PDZK1: variants seen among roughly 807,000 people sequenced by gnomAD.
The protein encoded by PDZK1 is Na(+)/H(+) exchange regulatory cofactor NHE-RF3.
A neutral mutation model predicts 38.1 loss-of-function variants in PDZK1; 23 were observed. The ratio of observed to expected loss-of-function variants is 0.60; its 90% CI spans 0.43 to 0.85. The LOEUF (loss-of-function observed/expected upper bound fraction) is 0.85. Among genes scored for constraint, PDZK1 ranks in the 40% least tolerant of loss-of-function variants. The probability of loss-of-function intolerance (pLI) is 0.00; values close to 1 mark genes in which losing one functional copy is unlikely to be tolerated. For synonymous variants in PDZK1, 98 were observed against 186.2 expected, an observed-to-expected ratio of 0.53 and a Z score of 3.86; for missense variants, 297 against 504.3, an observed-to-expected ratio of 0.59 and a Z score of 3.94.
chr1:145,675,908 C>T (rs587701269), intron 6 of PDZK1, among the ~76,000 whole-genome samples: 3 of 152,132 alleles, frequency 2.0e-5, no homozygotes, highest in Admixed American at 2.0e-4. Context: ...GTCCCAGCTA[C>T]TTGAGAGACT....
chr1:145,703,210 A>G (rs1426416658), intron 1 of PDZK1, among the ~76,000 whole-genome samples: 3 of 152,148 alleles, frequency 2.0e-5, no homozygotes, highest in African/African-American at 7.2e-5. Context: ...TCATGTACTT[A>G]ACAAGTTCTA....
intron 1 of PDZK1, among the ~76,000 whole-genome samples, chr1:145,693,217 CAGA>C (rs1436416006): frequency 1.3e-5 from 2 of 152,114 alleles, no homozygotes; most frequent in African/African-American, 4.8e-5. Flanking sequence ...TCTGAGTGAG[CAGA>C]AGAATTTAGT....
rs587767291 is a variant in PDZK1 at position 145,696,172 on chromosome 1, G to A, written c.-2-8149C>T. The stretch of plus-strand genomic sequence containing the variant: ...CACAGCTCAATTCGAACACAACTGT[G>A]CTTTGGGCTCCTCTTAGTCCAGGGG... On this transcript the variant is annotated intron_variant, in intron 1 of 8. Coordinates refer to ENST00000417171, the MANE Select transcript of PDZK1 (RefSeq NM_001201325.2). Among the ~76,000 whole-genome samples the A allele has an allele frequency of 1.1e-4, 16 of 152,340 alleles. No homozygotes were observed. The South Asian group carries it at 3.3e-3, about 32-fold the overall frequency.
At chr1:145,679,403 G>A (rs781097602) in intron 5 of PDZK1, among the ~76,000 whole-genome samples, 2 of 152,036 alleles carry the variant, frequency 1.3e-5, no homozygotes, top group African/African-American at 2.4e-5. Context: ...ATATCTAGAC[G>A]ATTGCTAAGT....
chr1:145,676,977 C>T (rs1437064715), intron 6 of PDZK1, among the ~76,000 whole-genome samples: 1 of 152,124 alleles, frequency 6.6e-6, no homozygotes, highest in Non-Finnish European at 1.5e-5. Flanking sequence ...CAATTCAACC[C>T]TCATAGCCAC....
intron 2 of PDZK1, among the ~76,000 whole-genome samples, chr1:145,687,602 G>A (rs1284300): frequency 0.083 from 12,460 of 150,848 alleles, 686 homozygotes; most frequent in South Asian, 0.22. Flanking sequence ...TAGACCTAAC[G>A]CTATTCAAAT....
chr1:145,677,961 G>A (rs1653875762), intron 6 of PDZK1, among the ~76,000 whole-genome samples: 1 of 138,342 alleles, frequency 7.2e-6, no homozygotes, highest in South Asian at 2.4e-4. Flanking sequence ...GCAGTAGTGG[G>A]TGTTATGATA....
At chr1:145,685,037 C>T (rs113496868) in intron 3 of PDZK1, among the ~76,000 whole-genome samples, 3 of 152,034 alleles carry the variant, frequency 2.0e-5, no homozygotes, top group East Asian at 3.9e-4. Context: ...GCACATGCCA[C>T]GTGGAGATGC....
intron 6 of PDZK1, among the ~76,000 whole-genome samples, chr1:145,674,917 C>T (rs1308335298): frequency 6.6e-6 from 1 of 152,156 alleles, no homozygotes; most frequent in Non-Finnish European, 1.5e-5. Flanking sequence ...GAGACCAACC[C>T]ATATACACAG....
intron 1 of PDZK1, among the ~76,000 whole-genome samples, chr1:145,690,407 G>A (rs1655140764): frequency 6.6e-6 from 1 of 152,178 alleles, no homozygotes; most frequent in Admixed American, 6.5e-5. Flanking sequence ...GGATCAGACA[G>A]TAATTACATA....
intron 6 of PDZK1, among the ~76,000 whole-genome samples, chr1:145,677,867 G>A (rs1383854390): frequency 7.9e-6 from 1 of 126,028 alleles, no homozygotes; most frequent in Non-Finnish European, 1.6e-5. Flanking sequence ...AGGCCCCCCA[G>A]GTTATCTGTT....
At chr1:145,702,980 C>A (rs1393627269) in intron 1 of PDZK1, among the ~76,000 whole-genome samples, 3 of 152,156 alleles carry the variant, frequency 2.0e-5, no homozygotes, top group Non-Finnish European at 2.9e-5. Context: ...CTCAGCAAGC[C>A]CCAATTGGTC....
chr1:145,687,833 C>G lies in PDZK1; in HGVS notation c.189G>C (p.Val63=), dbSNP rs782061512. The G allele has an allele frequency of 5.5e-5, 88 of 1,613,368 alleles. No individual in the cohort carries two copies. The East Asian group carries it at 1.9e-3, about 35-fold the overall frequency. Residue 63 remains valine, a synonymous_variant, in exon 2 of 9, where the codon GTG becomes GTC. Coordinates refer to ENST00000417171, the MANE Select transcript of PDZK1 (RefSeq NM_001201325.2). ...TCACCTGCATATGTTCTTCTTTGTC[C>G]ACAAAGACACCATTGATCCTAAGAA... ...DRVLRINGVF[V]DKEEHMQVVD... is the part of the protein sequence containing the mutation.
chr1:145,689,500 GTTA>G (rs1553702719), intron 1 of PDZK1, among the ~76,000 whole-genome samples: 1 of 152,180 alleles, frequency 6.6e-6, no homozygotes, highest in African/African-American at 2.4e-5. Flanking sequence ...CCGGCACACA[GTTA>G]TTATTAAGGG....
chr1:145,696,675 C>T (rs1655645317), intron 1 of PDZK1, among the ~76,000 whole-genome samples: 1 of 152,346 alleles, frequency 6.6e-6, no homozygotes, highest in South Asian at 2.1e-4. Flanking sequence ...GCCACACCTT[C>T]CGTGGTCTTC....
intron 1 of PDZK1, among the ~76,000 whole-genome samples, chr1:145,700,079 C>A (rs1372702727): frequency 2.0e-5 from 3 of 152,154 alleles, no homozygotes; most frequent in African/African-American, 7.2e-5. Context: ...TCCTGATTTT[C>A]TTTTTGCAGA....
intron 1 of PDZK1, among the ~76,000 whole-genome samples, chr1:145,695,114 T>C (rs1278869935): frequency 6.6e-6 from 1 of 151,694 alleles, no homozygotes; most frequent in East Asian, 1.9e-4. Flanking sequence ...GGACACCATG[T>C]TATGAAAGTG....
intron 1 of PDZK1, among the ~76,000 whole-genome samples, chr1:145,704,446 G>T (rs781860855): frequency 5.9e-5 from 9 of 152,096 alleles, no homozygotes; most frequent in South Asian, 2.1e-4. Flanking sequence ...CATTTCCGGG[G>T]GTCATGTAAT....
chr1:145,703,913 C>G (rs1027344635), intron 1 of PDZK1, among the ~76,000 whole-genome samples: 10 of 151,966 alleles, frequency 6.6e-5, no homozygotes, highest in Non-Finnish European at 1.2e-4. Flanking sequence ...ACTGCAACCT[C>G]TGCCACTTGG....
Sources: allele counts gnomAD v4.1 joint callset (sites outside exome capture counted in the v4.1 genomes callset), GRCh38; gene constraint gnomAD v4.1.1; transcripts MANE v1.5; gene names NCBI Gene and HGNC (gene_info 2026-07-23, HGNC 2026-07-21).